Variants in KCNK10 observed in about 807,000 individuals in gnomAD.
KCNK10 encodes the protein potassium channel subfamily K member 10.
KCNK10 carries 25 observed loss-of-function variants against 47.7 expected under a neutral mutation model. The ratio of observed to expected loss-of-function variants is 0.52; its 90% CI spans 0.38 to 0.73. KCNK10 has a LOEUF of 0.73. Among genes scored for constraint, KCNK10 ranks in the 30% least tolerant of loss-of-function variants. The pLI is 0.00. For missense variants in KCNK10, 563 were observed against 714.5 expected (o/e 0.79, Z 2.42); for synonymous variants, 303 against 285.6 (o/e 1.06, Z -0.61).
Position 88,185,494 on chromosome 14 carries a change from C to CAG in KCNK10, c.*40_*41insCT. The CAG allele has an allele frequency of 6.3e-7, 1 of 1,581,638 alleles. No homozygotes were observed. Among genetic ancestry groups the CAG allele is most frequent in the Middle Eastern group, 1.7e-4 (1 of 5,898 alleles). Reference sequence around the variant, plus strand: ...TGTGAATATTAAAAACACACACACACACACACACAACGCTCAGTCCAAGAC... The same window carrying CAG: ...TGTGAATATTAAAAACACACACACACAGACACACACAACGCTCAGTCCAAGAC... On this transcript the variant is annotated 3_prime_UTR_variant, in exon 7 of 7. Coordinates refer to ENST00000319231, the MANE Select transcript of KCNK10 (RefSeq NM_138317.3). The surrounding 1 kb of genome is among the most constrained non-coding windows in gnomAD (Gnocchi z 4.3).
At chr14:88,292,407 T>A (rs566542360) in intron 1 of KCNK10, among the ~76,000 whole-genome samples, 1 of 152,246 alleles carries the variant, frequency 6.6e-6, no homozygotes, top group East Asian at 1.9e-4. Context: ...TGGAGTGCAA[T>A]GGCGCGATCT....
chr14:88,266,702 T>C (rs1199978654), intron 1 of KCNK10, among the ~76,000 whole-genome samples: 2 of 152,184 alleles, frequency 1.3e-5, no homozygotes, highest in Non-Finnish European at 2.9e-5. Flanking sequence ...ATGGTGGGGA[T>C]AAGGCACAGT....
At chr14:88,279,384 T>TGTGC (rs1278740408) in intron 1 of KCNK10, among the ~76,000 whole-genome samples, 2 of 150,586 alleles carry the variant, frequency 1.3e-5, no homozygotes, top group East Asian at 3.9e-4. Flanking sequence ...TGTGTGTGTG[T>TGTGC]GTGTGTGTGT....
intron 2 of KCNK10, among the ~76,000 whole-genome samples, chr14:88,256,274 C>A (rs1886952910): frequency 6.6e-6 from 1 of 152,154 alleles, no homozygotes; most frequent in Non-Finnish European, 1.5e-5. Context: ...TGCAGTCAGG[C>A]ATTGGGGATA....
intron 1 of KCNK10, among the ~76,000 whole-genome samples, chr14:88,304,571 G>A (rs112666838): frequency 0.012 from 1,857 of 152,324 alleles, 49 homozygotes; most frequent in African/African-American, 0.043. Flanking sequence ...GAACAAGGCA[G>A]CGCTCTGCCT....
At chr14:88,324,954 C>G (rs1478236395), upstream of KCNK10, among the ~76,000 whole-genome samples, 1 of 152,168 alleles carries the variant, frequency 6.6e-6, no homozygotes, top group African/African-American at 2.4e-5. Flanking sequence ...CTGCAAACCC[C>G]GTTCAGGCAA....
At chr14:88,239,408 G>A (rs563595883) in intron 3 of KCNK10, among the ~76,000 whole-genome samples, 2 of 152,158 alleles carry the variant, frequency 1.3e-5, no homozygotes, top group Non-Finnish European at 2.9e-5. Context: ...TCATATAAGA[G>A]AAACATAAGC....
intron 4 of KCNK10, among the ~76,000 whole-genome samples, chr14:88,226,927 T>A (rs1227949055): frequency 6.6e-6 from 1 of 152,148 alleles, no homozygotes; most frequent in Non-Finnish European, 1.5e-5. Flanking sequence ...CAGAGCAGTG[T>A]CTGGAGAAGT....
chr14:88,252,199 G>C (rs570407453), intron 2 of KCNK10, among the ~76,000 whole-genome samples: 1 of 151,982 alleles, frequency 6.6e-6, no homozygotes, highest in Non-Finnish European at 1.5e-5. Flanking sequence ...ATAGACATGA[G>C]CCACCACGCC....
intron 4 of KCNK10, among the ~76,000 whole-genome samples, chr14:88,197,806 G>C (rs975081282): frequency 2.0e-5 from 3 of 150,126 alleles, no homozygotes; most frequent in Non-Finnish European, 1.5e-5. Context: ...ATGGCAGTTC[G>C]AGGGAAGGAG....
chr14:88,284,270 G>C (rs1382740853), intron 1 of KCNK10, among the ~76,000 whole-genome samples: 2 of 152,126 alleles, frequency 1.3e-5, no homozygotes, highest in Non-Finnish European at 2.9e-5. Context: ...CTGTCACATT[G>C]AGCATGCACC....
intron 2 of KCNK10, among the ~76,000 whole-genome samples, chr14:88,242,972 C>T (rs558924199): frequency 3.3e-5 from 5 of 152,320 alleles, no homozygotes; most frequent in African/African-American, 4.8e-5. Flanking sequence ...TCAAGTCTCA[C>T]GGTGCTGAGA....
intron 4 of KCNK10, among the ~76,000 whole-genome samples, chr14:88,198,012 G>A (rs1417618192): frequency 6.6e-6 from 1 of 152,220 alleles, no homozygotes; most frequent in African/African-American, 2.4e-5. Flanking sequence ...CACCCTGGTA[G>A]ATATTGAAGG....
rs1465099187 is a variant in KCNK10, at chr14:88,323,116, C to A, written c.-318G>T. On this transcript the variant is annotated 5_prime_UTR_variant, in exon 1 of 7. Coordinates refer to ENST00000319231, the MANE Select transcript of KCNK10 (RefSeq NM_138317.3). ...TTGGGGAGATGGAAGAGCCAAGCTGCTTCCCAAAAGCGGTGCCGGCAGGTT... is the reference window on the plus strand; with the variant it reads ...TTGGGGAGATGGAAGAGCCAAGCTGATTCCCAAAAGCGGTGCCGGCAGGTT... The A allele has an allele frequency of 8.4e-7, 1 of 1,191,532 alleles. No individual in the cohort carries two copies. The highest frequency in any genetic ancestry group is 1.6e-5 in the African/African-American group (1 of 63,640). 73.8% of individuals were successfully genotyped at this position (1,191,532 alleles called of 1,614,324 possible). A position where few individuals can be genotyped will look rare whatever the true frequency, so the allele number is the denominator to read the frequency against.
At chr14:88,206,319 G>A (rs544088368) in intron 4 of KCNK10, among the ~76,000 whole-genome samples, 84 of 152,250 alleles carry the variant, frequency 5.5e-4, no homozygotes, top group Middle Eastern at 6.8e-3. Flanking sequence ...GGTCAAAGAC[G>A]TTCAGATGTC....
intron 4 of KCNK10, among the ~76,000 whole-genome samples, chr14:88,193,137 C>T (rs978957973): frequency 6.6e-6 from 1 of 152,148 alleles, no homozygotes; most frequent in Non-Finnish European, 1.5e-5. Context: ...TAACAGGGTC[C>T]CCGTCTAAAT....
intron 2 of KCNK10, among the ~76,000 whole-genome samples, chr14:88,244,396 C>T (rs543803458): frequency 1.6e-4 from 25 of 152,150 alleles, no homozygotes; most frequent in Non-Finnish European, 2.4e-4. Context: ...CAGCCGGGCA[C>T]GGTGGCTCAT....
chr14:88,238,615 A>T (rs1250156012), intron 3 of KCNK10, among the ~76,000 whole-genome samples: 7 of 152,220 alleles, frequency 4.6e-5, no homozygotes, highest in Non-Finnish European at 8.8e-5. Context: ...TCAAGGCTGC[A>T]GTGAACCATG....
intron 1 of KCNK10, among the ~76,000 whole-genome samples, chr14:88,293,090 G>T (rs531262009): frequency 3.9e-5 from 6 of 152,306 alleles, no homozygotes; most frequent in Admixed American, 2.6e-4. Flanking sequence ...TCCAGGGTTG[G>T]CCTCACAGGG....
Sources: gnomAD v4.1 joint callset for allele counts (sites outside exome capture counted in the v4.1 genomes callset) on GRCh38, gnomAD v4.1.1 for gene constraint, Gnocchi (gnomAD v3.1) non-coding constraint, MANE v1.5 for transcripts, NCBI Gene and HGNC (gene_info 2026-07-23, HGNC 2026-07-21) for gene names.